FOXP1: variants seen among roughly 807,000 people sequenced by gnomAD.
The protein encoded by FOXP1 is forkhead box protein P1.
A neutral mutation model predicts 98.2 loss-of-function variants in FOXP1; 15 were observed. The ratio of observed to expected loss-of-function variants is 0.15; its 90% CI spans 0.10 to 0.24. The LOEUF is 0.24. FOXP1 is among the 10% of genes least tolerant of loss of function. The pLI is 1.00. For missense variants in FOXP1, 633 were observed against 848.5 expected, an observed-to-expected ratio of 0.75 and a Z score of 3.15; for synonymous variants, 371 against 314.5, an observed-to-expected ratio of 1.18 and a Z score of -1.90.
At chr3:71,032,001 G>T (rs185933903) in intron 11 of FOXP1, among the ~76,000 whole-genome samples, 1 of 152,326 alleles carries the variant, frequency 6.6e-6, no homozygotes, top group Non-Finnish European at 1.5e-5. Context: ...GGCTATTTTC[G>T]CATCTCTTCT....
Position 71,228,759 on chromosome 3 carries a change from C to T in FOXP1, c.-11-30367G>A, listed in dbSNP as rs191399339. On this transcript the variant is annotated intron_variant, in intron 5 of 20. Coordinates refer to ENST00000649528, the MANE Select transcript of FOXP1 (RefSeq NM_001349338.3). ...TGAAACATTCCTCATTCTCAACACC[C>T]GAGATTTATGTAGCCAATTAGTGAC... Among the ~76,000 whole-genome samples the T allele has an allele frequency of 1.6e-3, 238 of 152,230 alleles. 1 individual carries two copies. The highest frequency in any genetic ancestry group is 5.6e-3 in the African/African-American group (233 of 41,536).
intron 2 of FOXP1, among the ~76,000 whole-genome samples, chr3:71,534,388 T>G (rs560627788): frequency 6.6e-6 from 1 of 152,018 alleles, no homozygotes; most frequent in African/African-American, 2.4e-5. Context: ...CAAAAAACCC[T>G]AAGGCTCTCC....
chr3:71,035,322 C>G (rs922073146), intron 11 of FOXP1, among the ~76,000 whole-genome samples: 1 of 152,172 alleles, frequency 6.6e-6, no homozygotes, highest in East Asian at 1.9e-4. Flanking sequence ...AAAATATCAT[C>G]AGGGAATCTG....
chr3:71,131,951 G>A (rs532786062), intron 6 of FOXP1, among the ~76,000 whole-genome samples: 6 of 152,280 alleles, frequency 3.9e-5, no homozygotes, highest in East Asian at 1.9e-4. Context: ...GTGCTTCCAC[G>A]CCTGCCTTCT....
chr3:71,294,443 T>G (rs1177479112), intron 5 of FOXP1, among the ~76,000 whole-genome samples: 1 of 152,104 alleles, frequency 6.6e-6, no homozygotes, highest in Non-Finnish European at 1.5e-5. Context: ...CAATTGCCCT[T>G]CCTAACACCC....
At chr3:71,060,436 T>G (rs939402462) in intron 7 of FOXP1, among the ~76,000 whole-genome samples, 1 of 152,076 alleles carries the variant, frequency 6.6e-6, no homozygotes. Context: ...ACCAAAAGCT[T>G]CCCATAAGTT....
intron 5 of FOXP1, among the ~76,000 whole-genome samples, chr3:71,275,721 T>A (rs1014184405): frequency 1.3e-5 from 2 of 152,320 alleles, no homozygotes; most frequent in South Asian, 2.1e-4. Context: ...TAGTGGTGTA[T>A]GTGAGGCTTC....
chr3:71,474,010 C>T (rs1473235446), intron 3 of FOXP1, among the ~76,000 whole-genome samples: 5 of 151,794 alleles, frequency 3.3e-5, no homozygotes, highest in South Asian at 2.1e-4. Context: ...TCTATTACAC[C>T]GTTCATAAAA....
At chr3:71,006,397 A>G (rs1473089616) in intron 12 of FOXP1, among the ~76,000 whole-genome samples, 1 of 152,132 alleles carries the variant, frequency 6.6e-6, no homozygotes, top group Non-Finnish European at 1.5e-5. Context: ...TCATTAACCC[A>G]GGTACCGCAG....
chr3:71,406,599 G>A (rs2082365637), intron 3 of FOXP1, among the ~76,000 whole-genome samples: 2 of 151,296 alleles, frequency 1.3e-5, no homozygotes, highest in African/African-American at 2.4e-5. Context: ...CACTGGGTTC[G>A]CCGAGATACT....
intron 5 of FOXP1, among the ~76,000 whole-genome samples, chr3:71,290,495 C>T (rs11715579): frequency 0.14 from 21,864 of 152,116 alleles, 1,971 homozygotes; most frequent in East Asian, 0.48. Context: ...TTCTAGTGGC[C>T]TCCTGACAGG....
chr3:71,042,506 A>G (rs969345620), intron 10 of FOXP1, among the ~76,000 whole-genome samples: 2 of 152,218 alleles, frequency 1.3e-5, no homozygotes, highest in East Asian at 1.9e-4. Context: ...ATGACAACTA[A>G]CAAAAACAAC....
At chr3:71,537,283 T>C (rs1184592385) in intron 2 of FOXP1, among the ~76,000 whole-genome samples, 2 of 152,080 alleles carry the variant, frequency 1.3e-5, no homozygotes, top group African/African-American at 2.4e-5. Context: ...GGTCAAAAGG[T>C]GGCCGAGGCA....
chr3:71,580,818 C>T, intron 2 of FOXP1: 1 of 985,402 alleles, frequency 1.0e-6, no homozygotes, highest in African/African-American at 1.7e-5. Context: ...CTACGTACAA[C>T]CAATGGTGAA....
chr3:70,958,537 C>T lies in FOXP1; in HGVS notation c.*710G>A, dbSNP rs1394239291. 3.4e-6 allele frequency: 1 copy of T among 296,392 alleles called. No homozygotes were observed. Among genetic ancestry groups the T allele is most frequent in the Non-Finnish European group, 6.5e-6 (1 of 154,188 alleles). 18.4% of individuals were successfully genotyped at this position (296,392 alleles called of 1,614,324 possible). The stretch of plus-strand genomic sequence containing the variant: ...TTTGTATAATAAAAACACCTATTAA[C>T]ATTCATCACAAGGTACAGAAAACTT... On this transcript the variant is annotated 3_prime_UTR_variant, in exon 21 of 21. Transcript: ENST00000649528.
chr3:71,348,825 A>G (rs2077580529), intron 4 of FOXP1, among the ~76,000 whole-genome samples: 1 of 152,122 alleles, frequency 6.6e-6, no homozygotes, highest in East Asian at 1.9e-4. Flanking sequence ...TATGTGTGCT[A>G]AGAAAGTAAA....
intron 3 of FOXP1, among the ~76,000 whole-genome samples, chr3:71,489,105 A>T (rs1049668333): frequency 6.6e-6 from 1 of 151,836 alleles, no homozygotes; most frequent in Non-Finnish European, 1.5e-5. Flanking sequence ...CTGCGCCACC[A>T]CCGCCCCACC....
intron 7 of FOXP1, among the ~76,000 whole-genome samples, chr3:71,056,446 C>T (rs930608500): frequency 6.6e-6 from 1 of 151,998 alleles, no homozygotes; most frequent in African/African-American, 2.4e-5. Flanking sequence ...CTTGAGTCTC[C>T]CCTTCTTTTT....
intron 12 of FOXP1, among the ~76,000 whole-genome samples, chr3:71,005,961 G>C (rs1207175439): frequency 6.6e-6 from 1 of 152,102 alleles, no homozygotes; most frequent in Non-Finnish European, 1.5e-5. Flanking sequence ...GTAAGTATGG[G>C]ATTTCCTGGA....
Sources: gnomAD v4.1 joint callset for allele counts (sites outside exome capture counted in the v4.1 genomes callset) on GRCh38, gnomAD v4.1.1 for gene constraint, MANE v1.5 for transcripts, NCBI Gene and HGNC (gene_info 2026-07-23, HGNC 2026-07-21) for gene names.